BRICD5: variants seen among roughly 807,000 people sequenced by gnomAD.
BRICD5 encodes the protein BRICHOS domain-containing protein 5.
BRICD5 carries 51 observed loss-of-function variants against 28.4 expected under a neutral mutation model. The ratio of observed to expected loss-of-function variants is 1.80; its 90% CI spans 1.43 to 2.27. BRICD5 has a LOEUF of 2.27. Among genes scored for constraint, BRICD5 ranks in the 30% most tolerant of loss-of-function variants. BRICD5 has a pLI of 0.00. For missense variants in BRICD5, 456 were observed against 309.6 expected (o/e 1.47, Z -3.55); for synonymous variants, 177 against 130.2 (o/e 1.36, Z -2.44).
rs557727646 is a variant in BRICD5 at position 2,210,842 on chromosome 16, C to G, written c.-9G>C. The G allele has an allele frequency of 6.2e-7, 1 of 1,601,282 alleles. No homozygotes were observed. Among genetic ancestry groups the G allele is most frequent in the African/African-American group, 1.3e-5 (1 of 75,032 alleles). On this transcript the variant is annotated 5_prime_UTR_variant, in exon 1 of 6. Coordinates refer to ENST00000328540, the MANE Select transcript of BRICD5 (RefSeq NM_182563.4). ...CAGCTTGCTGGTTCCATCCTGCAGC[C>G]CCTGCTCACAATGTGCCGATTGTCT...
In BRICD5 at chr16:2,209,592, A is replaced by C. The variant is rs1193680749; in HGVS notation, c.553T>G (p.Cys185Gly). Reference protein sequence around the residue: ...AQAGALVQRLCMRTPIYWARR... With the variant: ...AQAGALVQRLGMRTPIYWARR... The stretch of plus-strand genomic sequence containing the variant: ...GCCCAGTAGATGGGGGTCCTCATGC[A>C]CAGGCGCTGCACCAAAGCCCCCGCC... Residue 185 changes from cysteine (C) to glycine (G), a missense_variant, in exon 5 of 6, where the codon TGC (cysteine) becomes GGC (glycine). Transcript: ENST00000328540. 18 of 1,612,234 alleles carry C rather than the reference A, an allele frequency of 1.1e-5. No individual in the cohort carries two copies. The highest frequency in any genetic ancestry group is 1.4e-5 in the Non-Finnish European group (17 of 1,179,954).
chr16:2,210,412 A>G (rs2093368593), intron 2 of BRICD5, 110 bp downstream of exon 2: 3 of 1,533,850 alleles, frequency 2.0e-6, no homozygotes, highest in Non-Finnish European at 2.6e-6. Flanking sequence ...GTCTGCTCCT[A>G]GGTGGTGTCA....
rs1390780916 is a variant in BRICD5, at chr16:2,210,844, C to G, written c.-11G>C. 4 of 1,601,222 alleles carry G rather than the reference C, an allele frequency of 2.5e-6. No individual in the cohort carries two copies. Among genetic ancestry groups the G allele is most frequent in the Non-Finnish European group, 3.4e-6 (4 of 1,179,890 alleles). On this transcript the variant is annotated 5_prime_UTR_variant, in exon 1 of 6. Transcript: ENST00000328540. ...GCTTGCTGGTTCCATCCTGCAGCCC[C>G]TGCTCACAATGTGCCGATTGTCTGC...
chr16:2,209,698 C>G lies in BRICD5; in HGVS notation c.447G>C (p.Glu149Asp), dbSNP rs748072929. The change falls in exon 5 of 6, where the codon GAG becomes GAC. Residue 149 changes from glutamate (E) to aspartate (D), a missense_variant. Transcript: ENST00000328540. ...RLLVDTSKVQEAWVPSQDTHH... is the reference protein window; with the variant it reads ...RLLVDTSKVQDAWVPSQDTHH... ...GGGTGTCCTGGCTGGGGACCCAAGC[C>G]TCTTGGACCTGTTGAGAAGGCTCTG... is the stretch of plus-strand genomic sequence containing the variant. 3.7e-6 allele frequency: 6 copies of G among 1,609,838 alleles called. No individual in the cohort carries two copies. Among genetic ancestry groups the G allele is most frequent in the Non-Finnish European group, 5.1e-6 (6 of 1,177,768 alleles).
chr16:2,210,566 C>T lies in BRICD5; in HGVS notation c.136G>A (p.Val46Ile), dbSNP rs26857. 0.49 allele frequency: 781,973 copies of T among 1,611,796 alleles called. 192,186 individuals are homozygous for T. Among genetic ancestry groups the T allele is most frequent in the East Asian group, 0.64 (28,517 of 44,854 alleles). Residue 46 changes from valine (V) to isoleucine (I), a missense_variant, in exon 2 of 6, where the codon GTT becomes ATT. By Grantham distance (29) the Val-to-Ile change is conservative. Coordinates refer to ENST00000328540, the MANE Select transcript of BRICD5 (RefSeq NM_182563.4). ...LLLLVLAAVG[V>I]VAGGLLGSAQ... ...GAGCCAAGAAGCCCTCCAGCCACAACCCCCACAGCGGCCAGCACCAGCAGC... is the reference window on the plus strand; with the variant it reads ...GAGCCAAGAAGCCCTCCAGCCACAATCCCCACAGCGGCCAGCACCAGCAGC...
chr16:2,210,027 C>T lies in BRICD5; in HGVS notation c.361G>A (p.Glu121Lys), dbSNP rs751679680. The T allele has an allele frequency of 8.8e-6, 14 of 1,584,802 alleles. No individual in the cohort carries two copies. In the South Asian group the frequency reaches 1.5e-4, roughly 17 times the overall value. Residue 121 changes from glutamate (E) to lysine (K), a missense_variant, in exon 4 of 6, where the codon GAG becomes AAG. Physicochemically the swap from Glu to Lys is moderately conservative, Grantham distance 56. Transcript: ENST00000328540. ...QSGCICYRPE[E>K]HQVCFLRLME... ...AGGCGGAGGAAGCAGACCTGGTGCT[C>T]CTCAGGGCGGTAACAGATGCAGCCC...
intron 4 of BRICD5, 101 bp downstream of exon 4, chr16:2,209,849 T>C: frequency 7.2e-7 from 1 of 1,388,454 alleles, no homozygotes; most frequent in Non-Finnish European, 9.7e-7. Context: ...GAGAGCTTCC[T>C]GTTCCCTGAA....
Position 2,210,071 on chromosome 16 carries a change from AG to A in BRICD5, c.337-21del. The A allele has an allele frequency of 6.9e-6, 11 of 1,600,806 alleles. No homozygotes were observed. Among genetic ancestry groups the A allele is most frequent in the Non-Finnish European group, 9.4e-6 (11 of 1,173,930 alleles). On this transcript the variant is annotated intron_variant, in intron 3 of 5. Coordinates refer to ENST00000328540, the MANE Select transcript of BRICD5 (RefSeq NM_182563.4). ...GCAGCCCTGGGGAGGCAGGGGGGTGAGGCGGGGCCCCCCAGACCGACACCTG... is the reference window on the plus strand; with the variant it reads ...GCAGCCCTGGGGAGGCAGGGGGGTGAGCGGGGCCCCCCAGACCGACACCTG...
At position 2,210,005 on chromosome 16, in the gene BRICD5, C is replaced by T. The variant is rs746698270; in HGVS notation, c.383G>A (p.Arg128His). 9.2e-5 allele frequency: 144 copies of T among 1,560,330 alleles called. 1 individual carries two copies. Among genetic ancestry groups the T allele is most frequent in the South Asian group, 8.4e-4 (71 of 84,218 alleles). Residue 128 changes from arginine to histidine, a missense_variant, in exon 4 of 6, where the codon CGC becomes CAC. Arg to His is a conservative substitution (Grantham distance 29). Transcript: ENST00000328540. The part of the protein sequence containing the change: ...RPEEHQVCFL[R>H]LMEDSDRETL... The stretch of plus-strand genomic sequence containing the variant: ...CTCCCGATCACTGTCCTCCATCAGG[C>T]GGAGGAAGCAGACCTGGTGCTCCTC...
At chr16:2,209,835 C>G (rs147877739) in intron 4 of BRICD5, 115 bp downstream of exon 4, 60 of 1,382,512 alleles carry the variant, frequency 4.3e-5, no homozygotes, top group Non-Finnish European at 5.7e-5. Flanking sequence ...GGGCTTAGGG[C>G]GGAGAGAGCT....
intron 4 of BRICD5, 47 bp from the exon 5 acceptor site, chr16:2,209,753 T>C (rs772075494): frequency 1.2e-5 from 18 of 1,545,082 alleles, no homozygotes; most frequent in Non-Finnish European, 1.5e-5. Flanking sequence ...TGCTCCCTGC[T>C]CCTGGCTTGG....
chr16:2,210,308 G>A lies in BRICD5; in HGVS notation c.181-27C>T, dbSNP rs150440520. 175 of 1,507,054 alleles carry A rather than the reference G, an allele frequency of 1.2e-4. No homozygotes were observed. The East Asian group carries it at 1.4e-3, about 12-fold the overall frequency. 93.4% of individuals were successfully genotyped at this position (1,507,054 alleles called of 1,614,324 possible). A position where few individuals can be genotyped will look rare whatever the true frequency, so the allele number is the denominator to read the frequency against. The stretch of plus-strand genomic sequence containing the variant: ...TGGCAGTGGGAGTTGGAGTTCAGCC[G>A]GGCAGCTGTGCAACCCCAGCACAGC... On this transcript the variant is annotated intron_variant, in intron 2 of 5. Coordinates refer to ENST00000328540, the MANE Select transcript of BRICD5 (RefSeq NM_182563.4).
Position 2,209,630 on chromosome 16 carries a change from A to C in BRICD5, c.515T>G (p.Val172Gly), listed in dbSNP as rs564022701. 6.2e-7 allele frequency: 1 copy of C among 1,613,206 alleles called. No homozygotes were observed. Among genetic ancestry groups the C allele is most frequent in the Admixed American group, 1.7e-5 (1 of 60,008 alleles). ...CAAAGCCCCCGCCTGGGCGGGGTCCACTTCGAGGCTCCCCTGCACTGCCAG... is the reference window on the plus strand; with the variant it reads ...CAAAGCCCCCGCCTGGGCGGGGTCCCCTTCGAGGCTCCCCTGCACTGCCAG... ...ELLAVQGSLE[V>G]DPAQAGALVQ... The change falls in exon 5 of 6, where the codon GTG becomes GGG. Residue 172 changes from valine to glycine, a missense_variant. Transcript: ENST00000328540.
rs766463726 is a variant in BRICD5 at position 2,210,509 on chromosome 16, AG to A, written c.180+12del. ...TCCACTGTCCATGTCCCTGGTGCTG[AG>A]GAGGGGCTCACCTTGGGAGGGCCCT... On this transcript the variant is annotated intron_variant, in intron 2 of 5. Coordinates refer to ENST00000328540, the MANE Select transcript of BRICD5 (RefSeq NM_182563.4). 5.6e-6 allele frequency: 9 copies of A among 1,596,280 alleles called. No homozygotes were observed. Among genetic ancestry groups the A allele is most frequent in the Non-Finnish European group, 7.7e-6 (9 of 1,170,502 alleles).
At position 2,210,117 on chromosome 16, in the gene BRICD5, C is replaced by G; in HGVS notation, c.336+9G>C. On this transcript the variant is annotated intron_variant, in intron 3 of 5. Transcript: ENST00000328540. ...CACCTGCCAGGGTGACCCCTCCCTG[C>G]CCACTCACGCTCTGCCCGTCGAACA... 1 of 1,607,226 alleles carries G rather than the reference C, an allele frequency of 6.2e-7. No homozygotes were observed. The highest frequency in any genetic ancestry group is 8.5e-7 in the Non-Finnish European group (1 of 1,177,908).
rs1466335484 is a variant in BRICD5 at position 2,210,247 on chromosome 16, C to T, written c.215G>A (p.Ser72Asn). Residue 72 changes from serine (S) to asparagine (N), a missense_variant, in exon 3 of 6, where the codon AGC becomes AAC. Coordinates refer to ENST00000328540, the MANE Select transcript of BRICD5 (RefSeq NM_182563.4). ...TTGGTTGGGCCGGGGCATGTGGGGG[C>T]TCGGGAGGGTCATTCGCAGCGTCTG... is the stretch of plus-strand genomic sequence containing the variant. ...RLQTLRMTLP[S>N]PHMPRPNQTI... is the part of the protein sequence containing the mutation. 1.9e-6 allele frequency: 3 copies of T among 1,551,340 alleles called. No individual in the cohort carries two copies. Among genetic ancestry groups the T allele is most frequent in the African/African-American group, 1.4e-5 (1 of 73,770 alleles).
rs765601974 is a variant in BRICD5 at position 2,209,645 on chromosome 16, T to C, written c.500A>G (p.Gln167Arg). The C allele has an allele frequency of 8.7e-6, 14 of 1,613,354 alleles. No homozygotes were observed. The South Asian group carries it at 1.5e-4, about 18-fold the overall frequency. ...THHTQELLAV[Q>R]GSLEVDPAQA... is the part of the protein sequence containing the mutation. ...GGCGGGGTCCACTTCGAGGCTCCCC[T>C]GCACTGCCAGCAGCTCCTGGGTGTG... is the stretch of plus-strand genomic sequence containing the variant. Residue 167 changes from glutamine (Q) to arginine (R), a missense_variant, in exon 5 of 6, where the codon CAG (glutamine) becomes CGG (arginine). Gln to Arg is a conservative substitution (Grantham distance 43). Transcript: ENST00000328540.
At position 2,209,621 on chromosome 16, in the gene BRICD5, G is replaced by A; in HGVS notation, c.524C>T (p.Ala175Val). ...GCGCTGCACCAAAGCCCCCGCCTGG[G>A]CGGGGTCCACTTCGAGGCTCCCCTG... ...AVQGSLEVDP[A>V]QAGALVQRLC... The change falls in exon 5 of 6, where the codon GCC (alanine) becomes GTC (valine). Residue 175 changes from alanine (A) to valine (V), a missense_variant. Coordinates refer to ENST00000328540, the MANE Select transcript of BRICD5 (RefSeq NM_182563.4). 1.2e-6 allele frequency: 2 copies of A among 1,613,212 alleles called. No homozygotes were observed. Among genetic ancestry groups the A allele is most frequent in the South Asian group, 1.1e-5 (1 of 91,078 alleles).
intron 4 of BRICD5, 59 bp from the exon 5 acceptor site, chr16:2,209,765 A>G (rs26858): frequency 0.53 from 802,723 of 1,522,638 alleles, 213,677 homozygotes; most frequent in African/African-American, 0.66. Context: ...CTGGCTTGGC[A>G]GGGCCGGGTA....
Sources: allele counts gnomAD v4.1 joint callset, GRCh38; gene constraint gnomAD v4.1.1; transcripts MANE v1.5; gene names NCBI Gene and HGNC (gene_info 2026-07-23, HGNC 2026-07-21).